The following FRY variants were observed in gnomAD, a reference collection of about 807,000 sequenced individuals.
The protein encoded by FRY is FRY microtubule binding protein.
A neutral mutation model predicts 348.4 loss-of-function variants in FRY; 128 were observed. The ratio of observed to expected loss-of-function variants is 0.37; its 90% CI spans 0.32 to 0.43. FRY has a LOEUF of 0.43. FRY is among the 20% of genes least tolerant of loss of function. The probability of loss-of-function intolerance (pLI) is 1.00; values close to 1 mark genes in which losing one functional copy is unlikely to be tolerated. For missense variants in FRY, 2,736 were observed against 3,695.2 expected (o/e 0.74, Z 6.73); for synonymous variants, 1,370 against 1,374.7 (o/e 1.00, Z 0.08).
At position 32,267,165 on chromosome 13, in the gene FRY, T is replaced by C; in HGVS notation, c.7947-5T>C. 6.2e-7 allele frequency: 1 copy of C among 1,613,544 alleles called. No individual in the cohort carries two copies. The highest frequency in any genetic ancestry group is 8.5e-7 in the Non-Finnish European group (1 of 1,179,420). ...TCTTGACATAGTCGTTTTCATTTTT[T>C]CCAGCTTTGGAGAAGGTGACAGGGG... On this transcript the variant is annotated splice_region_variant and splice_polypyrimidine_tract_variant and intron_variant, in intron 54 of 60. Transcript: ENST00000542859.
intron 27 of FRY, 109 bp downstream of exon 27, chr13:32,186,529 G>A (rs1231320556): frequency 2.6e-6 from 2 of 776,626 alleles, no homozygotes; most frequent in African/African-American, 3.5e-5. Flanking sequence ...CAATATCATA[G>A]AATAAAATCT....
In FRY at chr13:32,157,300, G is replaced by T. The variant is rs1881174449; in HGVS notation, c.1679G>T (p.Arg560Leu). ...ATGTCCTTATATTACTCTCAAGTAC[G>T]AAAAGCTGTAGACAACATTTTAAGG... is the stretch of plus-strand genomic sequence containing the variant. Reference protein sequence around the residue: ...IGMSLYYSQVRKAVDNILRHL... With the variant: ...IGMSLYYSQVLKAVDNILRHL... The change falls in exon 16 of 61, where the codon CGA becomes CTA. Residue 560 changes from arginine to leucine, a missense_variant. Arg to Leu is a moderately radical substitution (Grantham distance 102). This residue lies in a region of FRY where 191 missense variants were observed against 370.2 expected (regional missense o/e 0.52). Transcript: ENST00000542859. 1 of 1,612,768 alleles carries T rather than the reference G, an allele frequency of 6.2e-7. No individual in the cohort carries two copies. Among genetic ancestry groups the T allele is most frequent in the Non-Finnish European group, 8.5e-7 (1 of 1,178,976 alleles).
intron 2 of FRY, among the ~76,000 whole-genome samples, chr13:32,091,072 C>G (rs1253988704): frequency 2.0e-5 from 3 of 151,974 alleles, no homozygotes; most frequent in African/African-American, 7.3e-5. Flanking sequence ...TTTCTTTTTC[C>G]CCAGTATTTT....
At chr13:32,215,303 A>C (rs1884926547) in intron 35 of FRY, among the ~76,000 whole-genome samples, 1 of 152,232 alleles carries the variant, frequency 6.6e-6, no homozygotes, top group Admixed American at 6.5e-5. Context: ...TAAAGAAAAA[A>C]TAAATATTTA....
chr13:32,202,682 C>T (rs757425073), intron 31 of FRY, among the ~76,000 whole-genome samples, 155 bp downstream of exon 31: 1 of 151,936 alleles, frequency 6.6e-6, no homozygotes, highest in Non-Finnish European at 1.5e-5. Flanking sequence ...GGCACGATGC[C>T]ACGCATTCCT....
At chr13:32,154,827 G>A (rs978178938) in intron 14 of FRY, among the ~76,000 whole-genome samples, 6 of 152,190 alleles carry the variant, frequency 3.9e-5, no homozygotes, top group Non-Finnish European at 8.8e-5. Context: ...TTGAAGACGA[G>A]CACTAGGGAG....
At chr13:32,110,130 T>C (rs79276203) in intron 3 of FRY, among the ~76,000 whole-genome samples, 2,289 of 152,292 alleles carry the variant, frequency 0.015, 78 homozygotes, top group East Asian at 0.12. Flanking sequence ...TCATAGTCGA[T>C]GGACTAATGT....
intron 1 of FRY, among the ~76,000 whole-genome samples, chr13:32,055,909 T>A (rs1017717769): frequency 5.3e-5 from 8 of 152,094 alleles, no homozygotes; most frequent in African/African-American, 1.9e-4. Context: ...ATACACCTGG[T>A]AGGCTGGGCA....
intron 10 of FRY, among the ~76,000 whole-genome samples, chr13:32,135,414 A>G (rs1879649576): frequency 6.6e-6 from 1 of 152,186 alleles, no homozygotes; most frequent in Non-Finnish European, 1.5e-5. Flanking sequence ...CTCTGGTCCT[A>G]AGGAGTCTGT....
intron 49 of FRY, among the ~76,000 whole-genome samples, chr13:32,250,872 A>G (rs1221257006): frequency 6.6e-6 from 1 of 152,224 alleles, no homozygotes; most frequent in Non-Finnish European, 1.5e-5. Context: ...GTGTTCCTCT[A>G]CATTGATTCC....
At chr13:32,082,461 C>A (rs564677934) in intron 2 of FRY, among the ~76,000 whole-genome samples, 2 of 152,236 alleles carry the variant, frequency 1.3e-5, no homozygotes, top group South Asian at 2.1e-4. Context: ...CTTTCCCAAG[C>A]AAAGTGTTCT....
chr13:32,152,281 A>T (rs931827223), intron 14 of FRY, among the ~76,000 whole-genome samples: 3 of 152,230 alleles, frequency 2.0e-5, no homozygotes, highest in African/African-American at 7.2e-5. Flanking sequence ...TCCAAAATTT[A>T]TATGGAAAAT....
intron 1 of FRY, among the ~76,000 whole-genome samples, chr13:32,041,722 C>G (rs1427445012): frequency 2.6e-5 from 4 of 152,198 alleles, no homozygotes; most frequent in African/African-American, 9.7e-5. Context: ...TGTCTCGCTT[C>G]TGTTTTACTT....
chr13:32,249,388 T>G, intron 48 of FRY, 138 bp from the exon 49 acceptor site: 1 of 844,890 alleles, frequency 1.2e-6, no homozygotes, highest in Non-Finnish European at 1.9e-6. Context: ...GTTGAGAAAA[T>G]GAGCCCACTT....
At position 32,269,402 on chromosome 13, in the gene FRY, G is replaced by T. The variant is rs146571439; in HGVS notation, c.8136+2043G>T. Among the ~76,000 whole-genome samples the T allele has an allele frequency of 9.3e-4, 141 of 152,132 alleles. 2 individuals carry two copies. The highest frequency in any genetic ancestry group is 3.4e-3 in the Middle Eastern group (1 of 294). ...CTGCTTAGTAACCCTTAAGAATCAG[G>T]CCAATCAGCCAGGCACAGTGGCTCA... On this transcript the variant is annotated intron_variant, in intron 55 of 60. Transcript: ENST00000542859.
chr13:32,203,447 C>T (rs1326810933), intron 31 of FRY, among the ~76,000 whole-genome samples: 4 of 152,072 alleles, frequency 2.6e-5, no homozygotes, highest in African/African-American at 2.4e-5. Flanking sequence ...TTTGTCAGGC[C>T]GGGCGTGGTG....
chr13:32,281,073 C>T (rs1399524927), intron 58 of FRY, among the ~76,000 whole-genome samples: 1 of 152,056 alleles, frequency 6.6e-6, no homozygotes, highest in East Asian at 1.9e-4. Context: ...TATTCCTCTC[C>T]CTCTCTTTTC....
intron 1 of FRY, among the ~76,000 whole-genome samples, chr13:32,038,890 C>G (rs1303279140): frequency 6.6e-6 from 1 of 152,210 alleles, no homozygotes; most frequent in Non-Finnish European, 1.5e-5. Flanking sequence ...GCACAACACA[C>G]ACTTTGTTTT....
chr13:32,069,592 G>A (rs891293747), intron 1 of FRY, among the ~76,000 whole-genome samples: 3 of 152,128 alleles, frequency 2.0e-5, no homozygotes, highest in Non-Finnish European at 4.4e-5. Flanking sequence ...ACATACAATG[G>A]AATATTATTC....
Sources: gnomAD v4.1 joint callset for allele counts (sites outside exome capture counted in the v4.1 genomes callset) on GRCh38, gnomAD v4.1.1 for gene constraint, gnomAD v4.1.1 regional missense constraint, MANE v1.5 for transcripts, NCBI Gene and HGNC (gene_info 2026-07-23, HGNC 2026-07-21) for gene names.